UTRN: variants seen among roughly 807,000 people sequenced by gnomAD.
UTRN encodes the protein utrophin.
In UTRN, 283 loss-of-function variants were observed where a neutral mutation model predicts 463.9. The observed-to-expected ratio is 0.61, with a 90% CI of 0.55 to 0.67. UTRN has a LOEUF of 0.67. Ranked by LOEUF, UTRN falls within the 30% of genes least tolerant of loss-of-function variation. UTRN has a pLI of 0.00. For synonymous variants in UTRN, 1,442 were observed against 1,431.5 expected, an observed-to-expected ratio of 1.01 and a Z score of -0.17; for missense variants, 3,922 against 4,084.3, an observed-to-expected ratio of 0.96 and a Z score of 1.08.
rs200979885 is a variant in UTRN, at chr6:144,836,456, G to C, written c.9980G>C (p.Arg3327Pro). Residue 3327 changes from arginine (R) to proline (P), a missense_variant, in exon 71 of 75, where the codon CGG becomes CCG. Arg to Pro is a moderately radical substitution (Grantham distance 103). Coordinates refer to ENST00000367545, the MANE Select transcript of UTRN (RefSeq NM_007124.3). ...AAACTCCTCAGGCAGCACAAAGGTC[G>C]GCTGGAGGCTAGGATGCAGATTTTA... is the stretch of plus-strand genomic sequence containing the variant. Reference protein sequence around the residue: ...EAKLLRQHKGRLEARMQILED... With the variant: ...EAKLLRQHKGPLEARMQILED... The C allele has an allele frequency of 3.1e-6, 5 of 1,614,006 alleles. No homozygotes were observed. The South Asian group carries it at 5.5e-5, about 18-fold the overall frequency.
At chr6:144,426,610 T>C (rs533767694) in intron 7 of UTRN, 151 bp downstream of exon 7, 15 of 847,086 alleles carry the variant, frequency 1.8e-5, no homozygotes, top group Non-Finnish European at 2.3e-5. Context: ...AAAAGAAATA[T>C]CATGGAAGAA....
intron 47 of UTRN, 138 bp downstream of exon 47, chr6:144,548,992 C>G (rs1220235787): frequency 2.5e-6 from 2 of 814,716 alleles, no homozygotes; most frequent in Non-Finnish European, 3.8e-6. Flanking sequence ...AACAACCATT[C>G]AGGGCTAACT....
rs78694270 is a variant in UTRN at position 144,840,796 on chromosome 6, A to C, written c.10234A>C (p.Met3412Leu). The C allele has an allele frequency of 6.2e-7, 1 of 1,614,106 alleles. No individual in the cohort carries two copies. Among genetic ancestry groups the C allele is most frequent in the East Asian group, 2.2e-5 (1 of 44,868 alleles). Residue 3412 changes from methionine (M) to leucine (L), a missense_variant, in exon 73 of 75, where the codon ATG becomes CTG. Physicochemically the swap from Met to Leu is conservative, Grantham distance 15. Around this residue, in one of 3 missense-constraint regions of UTRN, gnomAD observed 1,309 missense variants for 1,452.6 expected, o/e 0.90. Transcript: ENST00000367545. Reference sequence around the variant, plus strand: ...CACCAGCACGGATCTCACGGAGGTCATGGAGCAGATTCACAGCACGTTTCC... The same window carrying C: ...CACCAGCACGGATCTCACGGAGGTCCTGGAGCAGATTCACAGCACGTTTCC... ...HDTSTDLTEV[M>L]EQIHSTFPSC...
intron 54 of UTRN, among the ~76,000 whole-genome samples, chr6:144,737,664 T>C (rs1195135159): frequency 1.3e-5 from 2 of 152,226 alleles, no homozygotes; most frequent in Non-Finnish European, 2.9e-5. Flanking sequence ...TAAGTAAATA[T>C]GATTTTTAGC....
intron 65 of UTRN, among the ~76,000 whole-genome samples, chr6:144,820,241 G>T (rs1779482111): frequency 6.6e-6 from 1 of 152,016 alleles, no homozygotes; most frequent in South Asian, 2.1e-4. Context: ...ATACCTAAGG[G>T]AACAGTGACA....
intron 51 of UTRN, among the ~76,000 whole-genome samples, chr6:144,625,504 T>G (rs1378676513): frequency 2.6e-5 from 4 of 152,234 alleles, no homozygotes; most frequent in Admixed American, 6.5e-5. Context: ...GAAAGAATTT[T>G]GTTTATTTTG....
chr6:144,434,019 C>T (rs1269239049), intron 9 of UTRN, among the ~76,000 whole-genome samples: 10 of 151,784 alleles, frequency 6.6e-5, no homozygotes, highest in African/African-American at 1.4e-4. Context: ...TGTAGCGAGC[C>T]GAGATCACGC....
intron 53 of UTRN, chr6:144,708,533 C>T: frequency 2.7e-6 from 1 of 366,820 alleles, no homozygotes; most frequent in Admixed American, 3.9e-5. Context: ...TAGAAAAAAA[C>T]ACAGTCCCTG....
intron 64 of UTRN, among the ~76,000 whole-genome samples, chr6:144,800,636 T>C (rs1471554459): frequency 6.6e-6 from 1 of 152,210 alleles, no homozygotes; most frequent in Non-Finnish European, 1.5e-5. Context: ...AACTTCAAAT[T>C]CTATGAGTGT....
intron 58 of UTRN, among the ~76,000 whole-genome samples, chr6:144,771,152 G>A (rs115095511): frequency 0.014 from 2,155 of 152,260 alleles, 50 homozygotes; most frequent in African/African-American, 0.049. Context: ...AGCCAGGACC[G>A]AAGGGTTCAT....
intron 42 of UTRN, among the ~76,000 whole-genome samples, chr6:144,532,138 A>C (rs1273951406): frequency 6.6e-6 from 1 of 151,896 alleles, no homozygotes; most frequent in Non-Finnish European, 1.5e-5. Context: ...CTGTGTCAAT[A>C]AATAAATAAA....
intron 2 of UTRN, among the ~76,000 whole-genome samples, chr6:144,295,044 G>A (rs1339157297): frequency 6.6e-6 from 1 of 152,184 alleles, no homozygotes; most frequent in Non-Finnish European, 1.5e-5. Context: ...CATATGCCAA[G>A]TTCATCATCA....
At chr6:144,809,937 C>T (rs868498142) in intron 65 of UTRN, among the ~76,000 whole-genome samples, 9 of 152,216 alleles carry the variant, frequency 5.9e-5, no homozygotes, top group Middle Eastern at 3.4e-3. Context: ...ATAAATTTTA[C>T]ATTATATGGA....
chr6:144,703,929 AT>A, intron 53 of UTRN, among the ~76,000 whole-genome samples: 1 of 152,170 alleles, frequency 6.6e-6, no homozygotes, highest in Non-Finnish European at 1.5e-5. Flanking sequence ...ATGAAATAAT[AT>A]ATTAATATTA....
intron 53 of UTRN, among the ~76,000 whole-genome samples, chr6:144,728,659 C>T (rs955981177): frequency 6.7e-6 from 1 of 149,396 alleles, no homozygotes; most frequent in Non-Finnish European, 1.5e-5. Flanking sequence ...CGCTGTCAGT[C>T]TTTGGTTTTA....
chr6:144,433,115 T>A (rs1263191239), intron 9 of UTRN, among the ~76,000 whole-genome samples: 2 of 152,182 alleles, frequency 1.3e-5, no homozygotes, highest in Non-Finnish European at 2.9e-5. Flanking sequence ...ACCATCCGAT[T>A]TCTCAATCTT....
intron 41 of UTRN, among the ~76,000 whole-genome samples, chr6:144,524,117 C>CT (rs1305150811): frequency 1.4e-4 from 21 of 152,290 alleles, no homozygotes; most frequent in Admixed American, 5.2e-4. Context: ...TGTTCCTTCT[C>CT]TTTTTTTCTA....
At chr6:144,817,950 T>G (rs1043822918) in intron 65 of UTRN, among the ~76,000 whole-genome samples, 3 of 152,108 alleles carry the variant, frequency 2.0e-5, no homozygotes, top group African/African-American at 7.2e-5. Context: ...CAGCAAGTAG[T>G]TGTTTGTTAT....
At chr6:144,838,691 G>A (rs1781308131) in intron 71 of UTRN, among the ~76,000 whole-genome samples, 1 of 152,132 alleles carries the variant, frequency 6.6e-6, no homozygotes, top group Non-Finnish European at 1.5e-5. Flanking sequence ...AGCATGGAAG[G>A]TTCTACAGTT....
Sources: gnomAD v4.1 joint callset for allele counts (sites outside exome capture counted in the v4.1 genomes callset) on GRCh38, gnomAD v4.1.1 for gene constraint, gnomAD v4.1.1 regional missense constraint, MANE v1.5 for transcripts, NCBI Gene and HGNC (gene_info 2026-07-23, HGNC 2026-07-21) for gene names.